DDX25: variants seen among roughly 807,000 people sequenced by gnomAD.
DDX25 encodes the protein ATP-dependent RNA helicase DDX25.
A neutral mutation model predicts 64.6 loss-of-function variants in DDX25; 70 were observed. The observed-to-expected ratio is 1.08, with a 90% CI of 0.89 to 1.32. DDX25 has a LOEUF of 1.32. Among genes scored for constraint, DDX25 ranks in the 40% most tolerant of loss-of-function variants. DDX25 has a pLI of 0.00. For synonymous variants in DDX25, 211 were observed against 213.3 expected (o/e 0.99, Z 0.09); for missense variants, 587 against 604.4 (o/e 0.97, Z 0.30).
intron 8 of DDX25, among the ~76,000 whole-genome samples, chr11:125,914,525 A>G (rs948104962): frequency 1.4e-4 from 22 of 152,066 alleles, no homozygotes; most frequent in South Asian, 8.3e-4. Context: ...ATAAACATCT[A>G]ATCTTCTGCT....
In DDX25 at chr11:125,928,512, T is replaced by G. The variant is rs567721388; in HGVS notation, c.*5631T>G. 2.6e-5 allele frequency: 4 copies of G among 152,352 alleles called. No individual in the cohort carries two copies. The South Asian group carries it at 8.3e-4, about 32-fold the overall frequency. The allele number at this position is 152,352 out of a possible 1,614,324, so 9.4% of individuals were successfully genotyped here. On this transcript the variant is annotated 3_prime_UTR_variant, in exon 12 of 12. Coordinates refer to ENST00000263576, the MANE Select transcript of DDX25 (RefSeq NM_013264.5). ...TACCAGGTCGAAAACTAGAAGCACT[T>G]TAACAGCATTTAACAGATTTTGTTA... is the stretch of plus-strand genomic sequence containing the variant.
intron 8 of DDX25, 138 bp from the exon 9 acceptor site, chr11:125,916,875 TG>T: frequency 1.3e-6 from 1 of 776,956 alleles, no homozygotes. Context: ...GCTATCTGCC[TG>T]GAGATACAGC....
Position 125,908,391 on chromosome 11 carries a change from T to G in DDX25, c.405-10T>G. ...TCAGTTTATGCCCAGTGGTCTTCTC[T>G]TTTCTACAGACCCCAGAACCTCATA... On this transcript the variant is annotated splice_polypyrimidine_tract_variant and intron_variant, in intron 5 of 11. Transcript: ENST00000263576. 6.2e-7 allele frequency: 1 copy of G among 1,613,974 alleles called. No individual in the cohort carries two copies.
At chr11:125,904,131 G>C (rs941590953), upstream of DDX25, among the ~76,000 whole-genome samples, 1 of 152,220 alleles carries the variant, frequency 6.6e-6, no homozygotes, top group Non-Finnish European at 1.5e-5. Context: ...AAACCGACAC[G>C]GGGCGTAAAG....
Position 125,910,462 on chromosome 11 carries a change from C to G in DDX25, c.606C>G (p.Ala202=). 1 of 1,613,972 alleles carries G rather than the reference C, an allele frequency of 6.2e-7. No homozygotes were observed. Among genetic ancestry groups the G allele is most frequent in the Non-Finnish European group, 8.5e-7 (1 of 1,179,862 alleles). The change falls in exon 7 of 12, where the codon GCC becomes GCG. Residue 202 remains alanine (A), a synonymous_variant. Coordinates refer to ENST00000263576, the MANE Select transcript of DDX25 (RefSeq NM_013264.5). Reference sequence around the variant, plus strand: ...GTGTGGATGTTCAAGTGATGTATGCCATTCGAGGGAATCGAAGTATGTACC... The same window carrying G: ...GTGTGGATGTTCAAGTGATGTATGCGATTCGAGGGAATCGAAGTATGTACC... ...KFCVDVQVMY[A]IRGNRIPRGT... is the part of the protein sequence containing the mutation.
upstream of DDX25, among the ~76,000 whole-genome samples, chr11:125,904,122 A>C (rs1944837665): frequency 6.6e-6 from 1 of 152,192 alleles, no homozygotes. Context: ...TTTCCAGGGA[A>C]ACCGACACGG....
In DDX25 at chr11:125,921,140, C is replaced by T. The variant is rs562824425; in HGVS notation, c.1202-51C>T. On this transcript the variant is annotated intron_variant, in intron 10 of 11. Transcript: ENST00000263576. The surrounding 1 kb of genome is among the most constrained non-coding windows in gnomAD (Gnocchi z 4.1). ...TGGCAGACGTGGTACTTGAATGGCC[C>T]GTGTACTGAGGAAAGCATTGCAGGA... 2.8e-5 allele frequency: 43 copies of T among 1,536,090 alleles called. No homozygotes were observed. The East Asian group carries it at 7.9e-4, about 28-fold the overall frequency.
In DDX25 at chr11:125,918,718, C is replaced by T. The variant is rs779794319; in HGVS notation, c.1129C>T (p.Arg377Ter). The T allele has an allele frequency of 7.4e-6, 12 of 1,613,328 alleles. No individual in the cohort carries two copies. The highest frequency in any genetic ancestry group is 6.7e-5 in the Admixed American group (4 of 59,918). ...AAGCGGGGAGCTGACCGTGGAGCAG[C>T]GAGCTTCCATCATTCAGAGGTTTCG... ...LLSGELTVEQ[R>*]ASIIQRFRDG... The change falls in exon 10 of 12, where the codon CGA (arginine) becomes TGA (stop). Residue 377 changes from arginine to a stop codon, truncating the protein, a stop_gained. Coordinates refer to ENST00000263576, the MANE Select transcript of DDX25 (RefSeq NM_013264.5). LOFTEE classifies it high-confidence loss of function.
intron 10 of DDX25, among the ~76,000 whole-genome samples, chr11:125,919,189 C>CAGT (rs1945079526): frequency 6.6e-6 from 1 of 152,168 alleles, no homozygotes; most frequent in South Asian, 2.1e-4. Context: ...GTCTGTCCAC[C>CAGT]AGTTGATGGA....
chr11:125,927,880 T>A lies in DDX25; in HGVS notation c.*4999T>A, dbSNP rs1565471056. On this transcript the variant is annotated 3_prime_UTR_variant, in exon 12 of 12. Coordinates refer to ENST00000263576, the MANE Select transcript of DDX25 (RefSeq NM_013264.5). ...TTCAGAATAAAATGATCTCGGAGAC[T>A]CTGTCCATTCTAAGATACCATGTTT... 1 of 152,176 alleles carries A rather than the reference T, an allele frequency of 6.6e-6. No homozygotes were observed. Among genetic ancestry groups the A allele is most frequent in the Non-Finnish European group, 1.5e-5 (1 of 68,042 alleles). 9.4% of individuals were successfully genotyped at this position (152,176 alleles called of 1,614,324 possible). A position where few individuals can be genotyped will look rare whatever the true frequency, so the allele number is the denominator to read the frequency against.
chr11:125,917,388 C>T, intron 9 of DDX25, 137 bp downstream of exon 9: 1 of 778,088 alleles, frequency 1.3e-6, no homozygotes, highest in Non-Finnish European at 2.0e-6. Flanking sequence ...CAGAACAGCT[C>T]TAAACAGAAA....
chr11:125,905,808 A>G (rs1591514025), intron 3 of DDX25, among the ~76,000 whole-genome samples: 2 of 152,240 alleles, frequency 1.3e-5, no homozygotes, highest in South Asian at 4.1e-4. Context: ...TGGGTTCAGA[A>G]CTTCCATCTG....
chr11:125,912,938 A>C (rs1944984354), intron 8 of DDX25, among the ~76,000 whole-genome samples: 1 of 152,094 alleles, frequency 6.6e-6, no homozygotes, highest in Non-Finnish European at 1.5e-5. Flanking sequence ...CGGGTGGATC[A>C]CAAGGCCAGG....
At chr11:125,906,361 C>CT (rs1221202707) in intron 4 of DDX25, among the ~76,000 whole-genome samples, 152 bp downstream of exon 4, 1 of 151,790 alleles carries the variant, frequency 6.6e-6, no homozygotes, top group Non-Finnish European at 1.5e-5. Flanking sequence ...ACTCTGTCCC[C>CT]CAGGCTGGAG....
chr11:125,903,784 G>C (rs1944833645), upstream of DDX25, among the ~76,000 whole-genome samples: 2 of 151,882 alleles, frequency 1.3e-5, no homozygotes, highest in Non-Finnish European at 2.9e-5. Flanking sequence ...TGGTTCTTTC[G>C]TCCAAATTGA....
At chr11:125,906,419 G>A (rs1198454854) in intron 4 of DDX25, among the ~76,000 whole-genome samples, 2 of 151,796 alleles carry the variant, frequency 1.3e-5, no homozygotes, top group Middle Eastern at 3.4e-3. Flanking sequence ...AGGTTCAAGC[G>A]ATTCTCCTGC....
At position 125,925,646 on chromosome 11, in the gene DDX25, G is replaced by A. The variant is rs1277150365; in HGVS notation, c.*2765G>A. ...TGGCACCAAATACTAAACCAAATCC[G>A]TTAAGTTTATCTTGGCCAGCTTAAT... is the stretch of plus-strand genomic sequence containing the variant. On this transcript the variant is annotated 3_prime_UTR_variant, in exon 12 of 12. Coordinates refer to ENST00000263576, the MANE Select transcript of DDX25 (RefSeq NM_013264.5). 6 of 351,834 alleles carry A rather than the reference G, an allele frequency of 1.7e-5. No homozygotes were observed. Among genetic ancestry groups the A allele is most frequent in the African/African-American group, 2.1e-5 (1 of 46,858 alleles). 21.8% of individuals were successfully genotyped at this position (351,834 alleles called of 1,614,324 possible). A position where few individuals can be genotyped will look rare whatever the true frequency, so the allele number is the denominator to read the frequency against.
At position 125,905,486 on chromosome 11, in the gene DDX25, T is replaced by C. The variant is rs1008856951; in HGVS notation, c.131-67T>C. 4.7e-6 allele frequency: 7 copies of C among 1,494,014 alleles called. No homozygotes were observed. In the African/African-American group the frequency reaches 7.0e-5, roughly 15 times the overall value. 92.5% of individuals were successfully genotyped at this position (1,494,014 alleles called of 1,614,324 possible). A position where few individuals can be genotyped will look rare whatever the true frequency, so the allele number is the denominator to read the frequency against. On this transcript the variant is annotated intron_variant, in intron 2 of 11. Transcript: ENST00000263576. The stretch of plus-strand genomic sequence containing the variant: ...GAAGAGTCAGGAAGAAAAAATTGAA[T>C]AGCATGCTTTACATTTGTGCTCAGC...
chr11:125,905,142 TG>T, intron 1 of DDX25, 69 bp from the exon 2 acceptor site: 1 of 1,386,994 alleles, frequency 7.2e-7, no homozygotes, highest in Non-Finnish European at 1.0e-6. Flanking sequence ...CCAGCCCCTG[TG>T]GTAGGGAAGC....
Sources: gnomAD v4.1 joint callset for allele counts (sites outside exome capture counted in the v4.1 genomes callset) on GRCh38, gnomAD v4.1.1 for gene constraint, Gnocchi (gnomAD v3.1) non-coding constraint, MANE v1.5 for transcripts, NCBI Gene and HGNC (gene_info 2026-07-23, HGNC 2026-07-21) for gene names.